The following INPP5A variants were observed in gnomAD, a reference collection of about 807,000 sequenced individuals.
INPP5A encodes 43 kDa inositol polyphosphate 5-phophatase.
Under a neutral mutation model 65.2 loss-of-function variants are expected in INPP5A, and 14 were observed. The ratio of observed to expected loss-of-function variants is 0.21; its 90% CI spans 0.14 to 0.34. INPP5A has a LOEUF of 0.34. Ranked by LOEUF, INPP5A falls within the 10% of genes least tolerant of loss-of-function variation. The pLI is 1.00. For missense variants in INPP5A, 431 were observed against 545.6 expected (o/e 0.79, Z 2.09); for synonymous variants, 207 against 208.3 (o/e 0.99, Z 0.05).
chr10:132,540,639 A>C lies in INPP5A; in HGVS notation c.75+2468A>C, dbSNP rs185889379. Reference sequence around the variant, plus strand: ...GGCCAGAAGCCTGGCCGGTGGAAGGAAATTCATGAGTGAAGGAAGTTTTGG... The same window carrying C: ...GGCCAGAAGCCTGGCCGGTGGAAGGCAATTCATGAGTGAAGGAAGTTTTGG... On this transcript the variant is annotated intron_variant, in intron 1 of 15. Coordinates refer to ENST00000368594, the MANE Select transcript of INPP5A (RefSeq NM_005539.5). Among the ~76,000 whole-genome samples, 7 of 152,368 alleles carry C rather than the reference A, an allele frequency of 4.6e-5. No homozygotes were observed. In the East Asian group the frequency reaches 1.4e-3, roughly 29 times the overall value.
At chr10:132,572,487 G>C (rs78693542) in intron 1 of INPP5A, among the ~76,000 whole-genome samples, 1 of 152,068 alleles carries the variant, frequency 6.6e-6, no homozygotes, top group Non-Finnish European at 1.5e-5. Context: ...TGCTGAGCAC[G>C]CCCGCCCGGG....
chr10:132,684,532 G>T (rs1174281985), intron 4 of INPP5A, among the ~76,000 whole-genome samples: 1 of 152,232 alleles, frequency 6.6e-6, no homozygotes, highest in African/African-American at 2.4e-5. Context: ...AGCCGTGAGG[G>T]TGTGGGGTTG....
At chr10:132,671,657 A>T (rs1430125757) in intron 4 of INPP5A, among the ~76,000 whole-genome samples, 2 of 152,148 alleles carry the variant, frequency 1.3e-5, no homozygotes, top group Non-Finnish European at 2.9e-5. Context: ...AGCAGCACCA[A>T]CACCTCCTGG....
Position 132,659,587 on chromosome 10 carries a change from G to A in INPP5A, c.306+9082G>A, listed in dbSNP as rs1288099397. Among the ~76,000 whole-genome samples the A allele has an allele frequency of 6.6e-6, 1 of 152,236 alleles. No individual in the cohort carries two copies. Among genetic ancestry groups the A allele is most frequent in the Non-Finnish European group, 1.5e-5 (1 of 68,036 alleles). ...TCATTCAACATGCCCTGGTCCAGCT[G>A]CTGCACAGCCATGGGTATTCTGTGC... On this transcript the variant is annotated intron_variant, in intron 4 of 15. Coordinates refer to ENST00000368594, the MANE Select transcript of INPP5A (RefSeq NM_005539.5). The surrounding 1 kb of genome is among the most constrained non-coding windows in gnomAD (Gnocchi z 5.5).
chr10:132,606,003 G>T (rs2071843995), intron 1 of INPP5A, among the ~76,000 whole-genome samples: 1 of 152,196 alleles, frequency 6.6e-6, no homozygotes, highest in Admixed American at 6.5e-5. Context: ...GTTTAAATGA[G>T]GTCATGACCC....
chr10:132,633,562 T>C (rs1051356680), intron 2 of INPP5A, among the ~76,000 whole-genome samples: 1 of 152,116 alleles, frequency 6.6e-6, no homozygotes, highest in African/African-American at 2.4e-5. Context: ...CAAACAGAAG[T>C]GTTTTCAAGC....
intron 2 of INPP5A, among the ~76,000 whole-genome samples, chr10:132,610,520 G>A (rs1409698625): frequency 6.6e-6 from 1 of 152,270 alleles, no homozygotes; most frequent in Non-Finnish European, 1.5e-5. Context: ...ACAGAGAGCT[G>A]CAAAAAACCC....
chr10:132,770,290 G>A (rs565206365), intron 12 of INPP5A, among the ~76,000 whole-genome samples: 24 of 152,378 alleles, frequency 1.6e-4, no homozygotes, highest in Admixed American at 5.9e-4. Context: ...CCAAGTCACC[G>A]CAGTGTCGCC....
intron 2 of INPP5A, among the ~76,000 whole-genome samples, chr10:132,613,498 T>A (rs2071987046): frequency 6.6e-6 from 1 of 152,278 alleles, no homozygotes; most frequent in Admixed American, 6.5e-5. Flanking sequence ...TGGTTTGCTC[T>A]GTGCAGTGTG....
chr10:132,606,417 C>G (rs1017829433), intron 1 of INPP5A, among the ~76,000 whole-genome samples: 3 of 152,176 alleles, frequency 2.0e-5, no homozygotes, highest in African/African-American at 7.2e-5. Flanking sequence ...GGTCCCTGGA[C>G]CCAGAGGGCA....
intron 4 of INPP5A, among the ~76,000 whole-genome samples, chr10:132,666,781 G>A (rs148977881): frequency 0.019 from 2,817 of 152,250 alleles, 85 homozygotes; most frequent in African/African-American, 0.063. Context: ...CCCTTAAAGC[G>A]GCCCCCAGCG....
intron 1 of INPP5A, among the ~76,000 whole-genome samples, chr10:132,579,713 G>A (rs2071457469): frequency 6.6e-6 from 1 of 152,146 alleles, no homozygotes; most frequent in Non-Finnish European, 1.5e-5. Context: ...TGATACTCTG[G>A]TGCTGCCCAG....
At chr10:132,672,837 T>C (rs777457847) in intron 4 of INPP5A, among the ~76,000 whole-genome samples, 4 of 152,210 alleles carry the variant, frequency 2.6e-5, no homozygotes, top group Non-Finnish European at 5.9e-5. Context: ...CTGGTATTGA[T>C]GACTGCCTTC....
rs1375581015 is a variant in INPP5A at position 132,651,894 on chromosome 10, C to G, written c.306+1389C>G. ...CTCCGACCCTCGCCCTGTCAAGCAG[C>G]TGCCCACACACAAGCGGCCTCTCCT... is the stretch of plus-strand genomic sequence containing the variant. On this transcript the variant is annotated intron_variant, in intron 4 of 15. Coordinates refer to ENST00000368594, the MANE Select transcript of INPP5A (RefSeq NM_005539.5). The surrounding 1 kb of genome is among the most constrained non-coding windows in gnomAD (Gnocchi z 5.0). Among the ~76,000 whole-genome samples the G allele has an allele frequency of 2.0e-5, 3 of 152,216 alleles. No individual in the cohort carries two copies. Among genetic ancestry groups the G allele is most frequent in the Non-Finnish European group, 2.9e-5 (2 of 68,040 alleles).
At chr10:132,669,676 G>T (rs777530804) in intron 4 of INPP5A, among the ~76,000 whole-genome samples, 1 of 152,184 alleles carries the variant, frequency 6.6e-6, no homozygotes, top group Non-Finnish European at 1.5e-5. Flanking sequence ...AGGATGTGGG[G>T]CCTGCCTGTG....
chr10:132,729,454 C>A (rs1162094464), intron 9 of INPP5A, among the ~76,000 whole-genome samples: 1 of 152,186 alleles, frequency 6.6e-6, no homozygotes, highest in African/African-American at 2.4e-5. Flanking sequence ...GTCTAGATGG[C>A]CCTGGTGCCC....
intron 4 of INPP5A, among the ~76,000 whole-genome samples, chr10:132,666,980 A>AC (rs1422185388): frequency 1.3e-5 from 2 of 151,462 alleles, no homozygotes; most frequent in Non-Finnish European, 2.9e-5. Flanking sequence ...AATTCCTCTC[A>AC]CCCCCAACCC....
chr10:132,606,736 C>T (rs886131627), intron 1 of INPP5A, among the ~76,000 whole-genome samples: 3 of 152,230 alleles, frequency 2.0e-5, no homozygotes, highest in Non-Finnish European at 4.4e-5. Context: ...TGGCGGCCTG[C>T]ACGCCTTGGC....
intron 2 of INPP5A, among the ~76,000 whole-genome samples, chr10:132,638,094 G>A (rs1005670345): frequency 3.9e-5 from 6 of 152,098 alleles, no homozygotes; most frequent in African/African-American, 7.2e-5. Context: ...ATTTGCTGGC[G>A]CTCTTTCTCT....
Sources: allele counts gnomAD v4.1 joint callset (sites outside exome capture counted in the v4.1 genomes callset), GRCh38; gene constraint gnomAD v4.1.1; non-coding constraint Gnocchi (gnomAD v3.1); transcripts MANE v1.5; gene names NCBI Gene and HGNC (gene_info 2026-07-23, HGNC 2026-07-21).